Variants in ST6GALNAC3 observed in about 807,000 individuals in gnomAD.
ST6GALNAC3 encodes the protein alpha-N-acetylgalactosaminide alpha-2,6-sialyltransferase 3.
Under a neutral mutation model 32.7 loss-of-function variants are expected in ST6GALNAC3, and 25 were observed. The observed-to-expected ratio is 0.76, with a 90% CI of 0.56 to 1.07. The LOEUF (loss-of-function observed/expected upper bound fraction) is 1.07. Among genes scored for constraint, ST6GALNAC3 ranks in the 50% least tolerant of loss-of-function variants. The pLI is 0.00. For missense variants in ST6GALNAC3, 355 were observed against 382.4 expected, an observed-to-expected ratio of 0.93 and a Z score of 0.60; for synonymous variants, 129 against 133.1, an observed-to-expected ratio of 0.97 and a Z score of 0.21.
intron 1 of ST6GALNAC3, among the ~76,000 whole-genome samples, chr1:76,100,800 G>GT (rs35416159): frequency 1.9e-3 from 272 of 141,398 alleles, no homozygotes; most frequent in Middle Eastern, 7.3e-3. Flanking sequence ...ATCAGAATCT[G>GT]TTTTTTTTTT....
At chr1:76,157,515 C>G (rs907870979) in intron 1 of ST6GALNAC3, among the ~76,000 whole-genome samples, 1 of 152,228 alleles carries the variant, frequency 6.6e-6, no homozygotes, top group Non-Finnish European at 1.5e-5. Context: ...GTTTTACAGA[C>G]TGCATACATT....
chr1:76,548,692 A>G (rs1664442671), intron 3 of ST6GALNAC3, among the ~76,000 whole-genome samples: 1 of 152,208 alleles, frequency 6.6e-6, no homozygotes, highest in Non-Finnish European at 1.5e-5. Context: ...CCTCTATAGT[A>G]AAGGAAGGCA....
intron 1 of ST6GALNAC3, 115 bp from the exon 2 acceptor site, chr1:76,313,690 A>G: frequency 9.1e-7 from 1 of 1,093,786 alleles, no homozygotes; most frequent in Non-Finnish European, 1.4e-6. Flanking sequence ...ATGCTGAATG[A>G]CAGAATCCTT....
chr1:76,341,971 G>A (rs149175812), intron 2 of ST6GALNAC3, among the ~76,000 whole-genome samples: 136 of 151,986 alleles, frequency 8.9e-4, no homozygotes, highest in Middle Eastern at 3.4e-3. Flanking sequence ...TTGGTTTTCC[G>A]TTCCTGTGTT....
chr1:76,600,378 T>C (rs991643943), intron 3 of ST6GALNAC3, among the ~76,000 whole-genome samples: 8 of 152,056 alleles, frequency 5.3e-5, no homozygotes, highest in African/African-American at 7.2e-5. Flanking sequence ...GTTAGACTAG[T>C]CTGGAAATGG....
chr1:76,258,820 C>A (rs964709364), intron 1 of ST6GALNAC3, among the ~76,000 whole-genome samples: 4 of 152,146 alleles, frequency 2.6e-5, no homozygotes, highest in African/African-American at 9.7e-5. Flanking sequence ...ATACAGAATG[C>A]ATCATGTAAT....
intron 3 of ST6GALNAC3, among the ~76,000 whole-genome samples, chr1:76,557,982 G>C (rs142920943): frequency 2.0e-5 from 3 of 152,206 alleles, no homozygotes; most frequent in Admixed American, 2.0e-4. Flanking sequence ...AGGGAGCTAT[G>C]GTGGTTCCCA....
At chr1:76,422,533 G>C (rs931604427) in intron 3 of ST6GALNAC3, among the ~76,000 whole-genome samples, 3 of 151,916 alleles carry the variant, frequency 2.0e-5, no homozygotes, top group Non-Finnish European at 4.4e-5. Context: ...TTCTTATTTG[G>C]ATTAGTAGAA....
intron 3 of ST6GALNAC3, among the ~76,000 whole-genome samples, chr1:76,572,537 C>T (rs376920645): frequency 2.8e-4 from 42 of 152,218 alleles, no homozygotes; most frequent in African/African-American, 9.1e-4. Context: ...CTGCTTCCTT[C>T]CCCCACCAGT....
chr1:76,355,568 T>C (rs967588574), intron 2 of ST6GALNAC3, among the ~76,000 whole-genome samples: 3 of 152,216 alleles, frequency 2.0e-5, no homozygotes, highest in African/African-American at 7.2e-5. Context: ...GTAGCATCTG[T>C]AATGTGAATT....
At chr1:76,214,854 C>T (rs960554290) in intron 1 of ST6GALNAC3, among the ~76,000 whole-genome samples, 8 of 152,218 alleles carry the variant, frequency 5.3e-5, no homozygotes, top group Non-Finnish European at 7.4e-5. Flanking sequence ...AAGTAGCTGA[C>T]GAAGAGAGCA....
chr1:76,173,901 GT>G (rs971363956), intron 1 of ST6GALNAC3, among the ~76,000 whole-genome samples: 1 of 152,172 alleles, frequency 6.6e-6, no homozygotes, highest in African/African-American at 2.4e-5. Context: ...ATGTAAATTA[GT>G]TCAACCATTG....
rs551517587 is a variant in ST6GALNAC3, at chr1:76,546,569, G to T, written c.624-80883G>T. ...GACCTTTGAGACATGAGGTATGTAG[G>T]CTGGGAATAATAACTTTGTGAGCAT... is the stretch of plus-strand genomic sequence containing the variant. On this transcript the variant is annotated intron_variant, in intron 3 of 4. Coordinates refer to ENST00000328299, the MANE Select transcript of ST6GALNAC3 (RefSeq NM_152996.4). 3.9e-5 allele frequency among the ~76,000 whole-genome samples: 6 copies of T among 152,290 alleles called. No homozygotes were observed. In the East Asian group the frequency reaches 1.2e-3, roughly 29 times the overall value.
intron 1 of ST6GALNAC3, among the ~76,000 whole-genome samples, chr1:76,130,588 T>A (rs1649548104): frequency 1.3e-5 from 2 of 152,170 alleles, no homozygotes; most frequent in Admixed American, 6.5e-5. Flanking sequence ...CCTGGCTCAG[T>A]CTTAGATGTA....
chr1:76,634,285 T>A lies in ST6GALNAC3; in HGVS notation c.*5479T>A, dbSNP rs952331301. 2 of 525,616 alleles carry A rather than the reference T, an allele frequency of 3.8e-6. No homozygotes were observed. The highest frequency in any genetic ancestry group is 4.9e-6 in the Non-Finnish European group (2 of 409,664). 32.6% of individuals were successfully genotyped at this position (525,616 alleles called of 1,614,324 possible). A position where few individuals can be genotyped will look rare whatever the true frequency, so the allele number is the denominator to read the frequency against. On this transcript the variant is annotated 3_prime_UTR_variant, in exon 5 of 5. Transcript: ENST00000328299. ...CTATTTCTAAGAAACTTCAAAAAGA[T>A]CAAAACGAGGCAATTTTATAGCTTT...
intron 2 of ST6GALNAC3, among the ~76,000 whole-genome samples, chr1:76,344,064 T>C (rs759276943): frequency 5.9e-5 from 9 of 152,194 alleles, no homozygotes; most frequent in Non-Finnish European, 1.2e-4. Context: ...AATATGCAAA[T>C]GAACAAATAT....
chr1:76,572,471 C>G (rs1188916045), intron 3 of ST6GALNAC3, among the ~76,000 whole-genome samples: 1 of 152,048 alleles, frequency 6.6e-6, no homozygotes, highest in Non-Finnish European at 1.5e-5. Context: ...GTAGCTTCCC[C>G]AAGAATAGTT....
chr1:76,306,678 TTGGGG>T (rs1557771597), intron 1 of ST6GALNAC3, among the ~76,000 whole-genome samples: 5 of 11,992 alleles, frequency 4.2e-4, no homozygotes, highest in Non-Finnish European at 2.4e-3. Context: ...GTTTTTTTTT[TTGGGG>T]GGCGGGGGGT....
intron 2 of ST6GALNAC3, among the ~76,000 whole-genome samples, chr1:76,388,839 C>A (rs548266584): frequency 6.6e-6 from 1 of 152,072 alleles, no homozygotes; most frequent in South Asian, 2.1e-4. Context: ...GTGGCTAAGA[C>A]AACAGGCTCT....
Sources: gnomAD v4.1 joint callset for allele counts (sites outside exome capture counted in the v4.1 genomes callset) on GRCh38, gnomAD v4.1.1 for gene constraint, MANE v1.5 for transcripts, NCBI Gene and HGNC (gene_info 2026-07-23, HGNC 2026-07-21) for gene names.